GRM7: variants seen among roughly 807,000 people sequenced by gnomAD.
GRM7 encodes glutamate metabotropic receptor 7.
In GRM7, 35 loss-of-function variants were observed where a neutral mutation model predicts 84.5. The ratio of observed to expected loss-of-function variants is 0.41; its 90% confidence interval spans 0.32 to 0.55. The LOEUF is 0.55. GRM7 is among the 20% of genes least tolerant of loss of function. The pLI is 0.19. For synonymous variants in GRM7, 487 were observed against 455.1 expected, an observed-to-expected ratio of 1.07 and a Z score of -0.89; for missense variants, 1,003 against 1,194.6, an observed-to-expected ratio of 0.84 and a Z score of 2.36.
chr3:7,500,491 A>G (rs1699850216), intron 7 of GRM7, among the ~76,000 whole-genome samples: 1 of 152,218 alleles, frequency 6.6e-6, no homozygotes, highest in Non-Finnish European at 1.5e-5. Context: ...AAGATCTTGA[A>G]GGAGCATTGA....
intron 2 of GRM7, among the ~76,000 whole-genome samples, chr3:7,284,846 G>GA (rs1699374412): frequency 6.6e-6 from 1 of 151,916 alleles, no homozygotes; most frequent in African/African-American, 2.4e-5. Flanking sequence ...TAATAATCAT[G>GA]AAATGAAACA....
chr3:7,438,235 A>G (rs1697139953), intron 5 of GRM7, among the ~76,000 whole-genome samples: 1 of 152,066 alleles, frequency 6.6e-6, no homozygotes, highest in Admixed American at 6.6e-5. Context: ...GAGGCCATAC[A>G]GCAGTCCAGG....
At chr3:6,927,392 C>T (rs1027041055) in intron 1 of GRM7, among the ~76,000 whole-genome samples, 2 of 151,260 alleles carry the variant, frequency 1.3e-5, no homozygotes, top group African/African-American at 4.9e-5. Flanking sequence ...CATGCCACTG[C>T]ACTCCAGCCT....
At chr3:7,201,269 C>T (rs1696061599) in intron 2 of GRM7, among the ~76,000 whole-genome samples, 1 of 151,882 alleles carries the variant, frequency 6.6e-6, no homozygotes, top group Non-Finnish European at 1.5e-5. Flanking sequence ...GAAACTGTGT[C>T]GTTTAGAAAA....
chr3:7,430,027 C>T (rs953095761), intron 5 of GRM7, among the ~76,000 whole-genome samples: 1 of 152,084 alleles, frequency 6.6e-6, no homozygotes, highest in Non-Finnish European at 1.5e-5. Flanking sequence ...GTGGTGCATG[C>T]CTGTAGTTCC....
At chr3:7,539,415 G>A (rs941436931) in intron 7 of GRM7, among the ~76,000 whole-genome samples, 6 of 152,076 alleles carry the variant, frequency 3.9e-5, no homozygotes, top group African/African-American at 1.4e-4. Flanking sequence ...GGTGGCTCAC[G>A]CCTGTAATCC....
chr3:7,111,813 T>C (rs1692861346), intron 1 of GRM7, among the ~76,000 whole-genome samples: 1 of 152,166 alleles, frequency 6.6e-6, no homozygotes, highest in South Asian at 2.1e-4. Context: ...AAACTTAAGA[T>C]TTGTACATAG....
chr3:7,363,871 A>C (rs1234822998), intron 4 of GRM7, among the ~76,000 whole-genome samples: 1 of 152,030 alleles, frequency 6.6e-6, no homozygotes, highest in African/African-American at 2.4e-5. Context: ...TTGCATGATC[A>C]GTTTCCATCT....
intron 1 of GRM7, among the ~76,000 whole-genome samples, chr3:7,033,539 A>T (rs1324255464): frequency 6.6e-6 from 1 of 152,216 alleles, no homozygotes; most frequent in African/African-American, 2.4e-5. Flanking sequence ...TCTCAAGTTC[A>T]TTCTTCTTGA....
At chr3:7,485,224 G>C (rs539509083) in intron 7 of GRM7, among the ~76,000 whole-genome samples, 1 of 152,308 alleles carries the variant, frequency 6.6e-6, no homozygotes, top group African/African-American at 2.4e-5. Context: ...ATAAGTGCTT[G>C]TTGAGTCACT....
chr3:7,478,747 G>A (rs1379192594), intron 7 of GRM7, among the ~76,000 whole-genome samples: 2 of 152,118 alleles, frequency 1.3e-5, no homozygotes, highest in African/African-American at 4.8e-5. Context: ...CTAGTGTGAA[G>A]GCATTTTAGT....
Position 7,722,631 on chromosome 3 carries a change from CAG to C in GRM7, c.2699-17725_2699-17724del, listed in dbSNP as rs1286371682. On this transcript the variant is annotated intron_variant, in intron 9 of 9. Transcript: ENST00000357716. ...CTAAGTTTTGTAATTTTAGTAGAGA[CAG>C]GGGTTCACCACGTTGGCCAGGCTGG... 6.6e-5 allele frequency among the ~76,000 whole-genome samples: 10 copies of C among 151,966 alleles called. No homozygotes were observed. The East Asian group carries it at 1.5e-3, about 23-fold the overall frequency.
intron 1 of GRM7, among the ~76,000 whole-genome samples, chr3:6,978,333 C>T (rs982707266): frequency 6.6e-6 from 1 of 152,036 alleles, no homozygotes; most frequent in Non-Finnish European, 1.5e-5. Context: ...AGTGATGCCC[C>T]CAACACCTTG....
intron 8 of GRM7, among the ~76,000 whole-genome samples, chr3:7,653,397 T>C (rs1395741179): frequency 6.6e-6 from 1 of 152,134 alleles, no homozygotes; most frequent in Non-Finnish European, 1.5e-5. Flanking sequence ...CAGGGTCAGA[T>C]ACTTGTGAAA....
At chr3:7,033,331 T>G (rs1235153772) in intron 1 of GRM7, among the ~76,000 whole-genome samples, 1 of 152,168 alleles carries the variant, frequency 6.6e-6, no homozygotes. Flanking sequence ...CAGGTGGACA[T>G]GAATTCGGGA....
chr3:7,549,597 C>T (rs577945924), intron 7 of GRM7, among the ~76,000 whole-genome samples: 3 of 152,158 alleles, frequency 2.0e-5, no homozygotes, highest in East Asian at 3.9e-4. Flanking sequence ...CAAAAGTTAC[C>T]TAGAAAACCA....
At chr3:6,913,230 T>C (rs1009702815) in intron 1 of GRM7, among the ~76,000 whole-genome samples, 4 of 152,354 alleles carry the variant, frequency 2.6e-5, no homozygotes, top group South Asian at 4.1e-4. Context: ...GGAAGATTTC[T>C]GATATTATTT....
intron 8 of GRM7, among the ~76,000 whole-genome samples, chr3:7,617,907 G>A (rs1230240136): frequency 2.0e-5 from 3 of 152,076 alleles, no homozygotes; most frequent in Non-Finnish European, 4.4e-5. Context: ...GGAGGAAGGG[G>A]CTGCAAATGT....
intron 2 of GRM7, among the ~76,000 whole-genome samples, chr3:7,297,515 T>G (rs1320718855): frequency 6.6e-6 from 1 of 152,224 alleles, no homozygotes; most frequent in Non-Finnish European, 1.5e-5. Flanking sequence ...GGTGTTTATA[T>G]TTTAAAGAAG....
Sources: gnomAD v4.1 joint callset for allele counts (sites outside exome capture counted in the v4.1 genomes callset) on GRCh38, gnomAD v4.1.1 for gene constraint, MANE v1.5 for transcripts, NCBI Gene and HGNC (gene_info 2026-07-23, HGNC 2026-07-21) for gene names.